The following CFAP299 variants were observed in gnomAD, a reference collection of about 807,000 sequenced individuals.
CFAP299 encodes the protein cilia- and flagella-associated protein 299.
In CFAP299, 21 loss-of-function variants were observed where a neutral mutation model predicts 27.0. The ratio of observed to expected loss-of-function variants is 0.78; its 90% CI spans 0.55 to 1.12. The LOEUF (loss-of-function observed/expected upper bound fraction) is 1.12, where lower values mean the gene tolerates loss of function less well. Among genes scored for constraint, CFAP299 ranks in the 50% most tolerant of loss-of-function variants. The pLI is 0.00. For missense variants in CFAP299, 310 were observed against 276.6 expected (o/e 1.12, Z -0.86); for synonymous variants, 104 against 98.1 (o/e 1.06, Z -0.36).
At chr4:80,503,556 G>A (rs922582572) in intron 2 of CFAP299, among the ~76,000 whole-genome samples, 1 of 152,126 alleles carries the variant, frequency 6.6e-6, no homozygotes, top group African/African-American at 2.4e-5. Context: ...TCAGAATCCT[G>A]ATTCCTCCAT....
In CFAP299 at chr4:80,565,034, C is replaced by T. The variant is rs753913939; in HGVS notation, c.243-18059C>T. 4.6e-5 allele frequency among the ~76,000 whole-genome samples: 7 copies of T among 152,008 alleles called. No homozygotes were observed. In the South Asian group the frequency reaches 8.3e-4, roughly 18 times the overall value. ...AAAAACTTGTACTCTTAAAACTGTA[C>T]GTGGGACTACAAAATGGCACAATCC... On this transcript the variant is annotated intron_variant, in intron 2 of 5. Transcript: ENST00000358105.
chr4:80,571,962 T>C (rs957315013), intron 2 of CFAP299, among the ~76,000 whole-genome samples: 30 of 152,290 alleles, frequency 2.0e-4, no homozygotes, highest in African/African-American at 6.5e-4. Context: ...TACACAATGA[T>C]ACATTGAGAG....
chr4:80,561,917 G>T (rs1388667794), intron 2 of CFAP299, among the ~76,000 whole-genome samples: 2 of 152,036 alleles, frequency 1.3e-5, no homozygotes, highest in African/African-American at 4.8e-5. Context: ...TAAACAATGA[G>T]CCAATCAACA....
chr4:80,660,466 A>G (rs1053399518), intron 3 of CFAP299, among the ~76,000 whole-genome samples: 3 of 152,342 alleles, frequency 2.0e-5, no homozygotes, highest in Non-Finnish European at 4.4e-5. Context: ...TGTTAGGCAT[A>G]ATAATGTCAG....
chr4:80,893,229 T>C (rs1734434591), intron 4 of CFAP299, among the ~76,000 whole-genome samples: 1 of 150,986 alleles, frequency 6.6e-6, no homozygotes, highest in Non-Finnish European at 1.5e-5. Flanking sequence ...ATGAAAGAAA[T>C]TGAAGGCACA....
At chr4:80,386,933 T>C in intron 2 of CFAP299, 1 of 856,410 alleles carries the variant, frequency 1.2e-6, no homozygotes, top group Admixed American at 1.7e-5. Context: ...GAGCGCGCAG[T>C]TTGAGGTAAT....
rs1230311199 is a variant in CFAP299 at position 80,800,385 on chromosome 4, A to ATG, written c.334-69608_334-69607insTG. Among the ~76,000 whole-genome samples the ATG allele has an allele frequency of 3.6e-3, 211 of 58,668 alleles. 9 individuals are homozygous for ATG. Among genetic ancestry groups the ATG allele is most frequent in the Middle Eastern group, 0.023 (1 of 44 alleles). The allele number at this position is 58,668 out of a possible 152,430, so 38.5% of individuals were successfully genotyped here. A position where few individuals can be genotyped will look rare whatever the true frequency, so the allele number is the denominator to read the frequency against. ...TATTAATATAATATATATAATATAT[A>ATG]ATATATTAATATAATATATATTGAT... is the stretch of plus-strand genomic sequence containing the variant. On this transcript the variant is annotated intron_variant, in intron 3 of 5. Transcript: ENST00000358105.
At chr4:80,690,745 G>A (rs1467286768) in intron 3 of CFAP299, among the ~76,000 whole-genome samples, 2 of 151,792 alleles carry the variant, frequency 1.3e-5, no homozygotes, top group East Asian at 1.9e-4. Flanking sequence ...AAAAATTAAT[G>A]AATCCAGGAG....
At chr4:80,470,552 T>C (rs576580533) in intron 2 of CFAP299, among the ~76,000 whole-genome samples, 2 of 152,332 alleles carry the variant, frequency 1.3e-5, no homozygotes, top group East Asian at 1.9e-4. Flanking sequence ...TCACTAGATG[T>C]GACTTAATGG....
intron 3 of CFAP299, among the ~76,000 whole-genome samples, chr4:80,727,407 A>G (rs1023409336): frequency 1.3e-5 from 2 of 152,200 alleles, no homozygotes; most frequent in South Asian, 2.1e-4. Flanking sequence ...TGTGAAGACT[A>G]TAGAATATAA....
chr4:80,329,680 G>A, the CFAP299 span, among the ~76,000 whole-genome samples: 1 of 152,050 alleles, frequency 6.6e-6, no homozygotes, highest in Non-Finnish European at 1.5e-5. Context: ...CTCTTAGAAA[G>A]TCTAGTGATT....
At chr4:80,472,194 T>C (rs1730032332) in intron 2 of CFAP299, among the ~76,000 whole-genome samples, 1 of 152,082 alleles carries the variant, frequency 6.6e-6, no homozygotes, top group Non-Finnish European at 1.5e-5. Context: ...TTTCCCCCCA[T>C]TTGTGTCTCT....
chr4:80,622,927 T>C (rs1025443689), intron 3 of CFAP299, among the ~76,000 whole-genome samples: 1 of 152,220 alleles, frequency 6.6e-6, no homozygotes, highest in Non-Finnish European at 1.5e-5. Context: ...GTTAGCATTA[T>C]ATTTGTAACT....
chr4:80,899,609 C>A (rs2110193869), intron 4 of CFAP299, among the ~76,000 whole-genome samples: 1 of 152,236 alleles, frequency 6.6e-6, no homozygotes, highest in East Asian at 1.9e-4. Context: ...GAGAGAGGTG[C>A]TTTTAAACTA....
chr4:80,343,058 A>C (rs1271341804), intron 1 of CFAP299, among the ~76,000 whole-genome samples: 3 of 152,246 alleles, frequency 2.0e-5, no homozygotes, highest in African/African-American at 2.4e-5. Flanking sequence ...TTAAAACAAC[A>C]AAGATTTAAA....
intron 2 of CFAP299, among the ~76,000 whole-genome samples, chr4:80,427,289 A>G (rs1348562449): frequency 1.3e-5 from 2 of 152,162 alleles, no homozygotes; most frequent in African/African-American, 2.4e-5. Context: ...TTTACTTTGT[A>G]TATCACTGAT....
At chr4:80,507,789 T>A (rs1732107885) in intron 2 of CFAP299, among the ~76,000 whole-genome samples, 1 of 152,130 alleles carries the variant, frequency 6.6e-6, no homozygotes. Flanking sequence ...TCAGGAACCT[T>A]GGGGAGAGAT....
At chr4:80,440,600 A>G (rs1339783031) in intron 2 of CFAP299, among the ~76,000 whole-genome samples, 1 of 152,230 alleles carries the variant, frequency 6.6e-6, no homozygotes, top group Non-Finnish European at 1.5e-5. Context: ...AAAGATGAGG[A>G]AAAAACAGTG....
At position 80,930,290 on chromosome 4, in the gene CFAP299, T is replaced by C. The variant is rs1736552594; in HGVS notation, c.477-14520T>C. ...TCCCATACCTCTCCCTATGCATCTCTTCATCTGTATCCTTTGTAGTATCCT... is the reference window on the plus strand; with the variant it reads ...TCCCATACCTCTCCCTATGCATCTCCTCATCTGTATCCTTTGTAGTATCCT... On this transcript the variant is annotated intron_variant, in intron 4 of 5. Coordinates refer to ENST00000358105, the MANE Select transcript of CFAP299 (RefSeq NM_152770.3). 2.0e-5 allele frequency among the ~76,000 whole-genome samples: 3 copies of C among 152,164 alleles called. No homozygotes were observed. The South Asian group carries it at 6.2e-4, about 32-fold the overall frequency.
Sources: gnomAD v4.1 joint callset for allele counts (sites outside exome capture counted in the v4.1 genomes callset) on GRCh38, gnomAD v4.1.1 for gene constraint, MANE v1.5 for transcripts, NCBI Gene and HGNC (gene_info 2026-07-23, HGNC 2026-07-21) for gene names.